FOXP1: variants seen among roughly 807,000 people sequenced by gnomAD.
The protein encoded by FOXP1 is forkhead box P1.
Under a neutral mutation model 98.2 loss-of-function variants are expected in FOXP1, and 15 were observed. The observed-to-expected ratio is 0.15, with a 90% confidence interval of 0.10 to 0.24. The LOEUF is 0.24. FOXP1 is among the 10% of genes least tolerant of loss of function. The pLI is 1.00. For missense variants in FOXP1, 633 were observed against 848.5 expected (o/e 0.75, Z 3.15); for synonymous variants, 371 against 314.5 (o/e 1.18, Z -1.90).
At chr3:71,449,548 G>A (rs1003930659) in intron 3 of FOXP1, among the ~76,000 whole-genome samples, 3 of 152,184 alleles carry the variant, frequency 2.0e-5, no homozygotes, top group African/African-American at 4.8e-5. Flanking sequence ...ACCTTACCAA[G>A]TTCAAAGGCA....
chr3:71,569,993 G>A (rs1248513681), intron 2 of FOXP1, among the ~76,000 whole-genome samples: 5 of 152,052 alleles, frequency 3.3e-5, no homozygotes, highest in African/African-American at 1.2e-4. Context: ...GGATAGGATG[G>A]TCTGGATCTC....
Position 71,193,455 on chromosome 3 carries a change from GT to G in FOXP1, c.180+4746del, listed in dbSNP as rs1217174327. On this transcript the variant is annotated intron_variant, in intron 6 of 20. Transcript: ENST00000649528. ...GAGCCACTGCGCCCAGCCGTTATTT[GT>G]TTTTTTTTTTTAGACATATTCTCAC... 1.3e-3 allele frequency among the ~76,000 whole-genome samples: 104 copies of G among 79,284 alleles called. 7 individuals carry two copies. The highest frequency in any genetic ancestry group is 2.8e-3 in the African/African-American group (41 of 14,806). 52.0% of individuals were successfully genotyped at this position (79,284 alleles called of 152,430 possible).
intron 11 of FOXP1, among the ~76,000 whole-genome samples, chr3:71,038,522 A>T (rs895648379): frequency 6.6e-6 from 1 of 152,224 alleles, no homozygotes; most frequent in Non-Finnish European, 1.5e-5. Context: ...CAGTGAGACC[A>T]TACCTTTATA....
At chr3:71,059,414 C>T (rs1229312313) in intron 7 of FOXP1, among the ~76,000 whole-genome samples, 1 of 152,132 alleles carries the variant, frequency 6.6e-6, no homozygotes, top group African/African-American at 2.4e-5. Context: ...CAAGGTTACT[C>T]CACTAAGTGC....
intron 6 of FOXP1, among the ~76,000 whole-genome samples, chr3:71,166,772 G>A (rs1202279136): frequency 6.6e-6 from 1 of 151,982 alleles, no homozygotes; most frequent in Non-Finnish European, 1.5e-5. Flanking sequence ...TTTTAATGCT[G>A]TCCTTTTCTT....
At chr3:71,190,922 A>T (rs1316665829) in intron 6 of FOXP1, among the ~76,000 whole-genome samples, 3 of 152,236 alleles carry the variant, frequency 2.0e-5, no homozygotes, top group Non-Finnish European at 2.9e-5. Flanking sequence ...GAGTTCAAAG[A>T]CAAAGTGATG....
At chr3:71,356,815 T>C (rs979248769) in intron 4 of FOXP1, among the ~76,000 whole-genome samples, 1 of 152,174 alleles carries the variant, frequency 6.6e-6, no homozygotes, top group Non-Finnish European at 1.5e-5. Context: ...AATGCATCCA[T>C]TACCCTAAGT....
In FOXP1 at chr3:71,582,752, G is replaced by T. The variant is rs922783701; in HGVS notation, c.-447+819C>A. 7.1e-6 allele frequency: 7 copies of T among 985,438 alleles called. No individual in the cohort carries two copies. In the South Asian group the frequency reaches 3.3e-4, roughly 46 times the overall value. The allele number at this position is 985,438 out of a possible 1,614,324, so 61.0% of individuals were successfully genotyped here. The stretch of plus-strand genomic sequence containing the variant: ...CTCGTCTCGGGAAAGCGGAGGCCGA[G>T]CGCGCGTAGGGGTGCGTGTCTGGCT... On this transcript the variant is annotated intron_variant, in intron 1 of 20. Transcript: ENST00000649528.
chr3:71,075,994 A>T (rs2053766169), intron 7 of FOXP1, among the ~76,000 whole-genome samples: 1 of 152,200 alleles, frequency 6.6e-6, no homozygotes, highest in African/African-American at 2.4e-5. Flanking sequence ...TGCTGGGATT[A>T]CAGGAGTGAG....
chr3:71,008,675 A>T (rs1460022809), intron 12 of FOXP1, among the ~76,000 whole-genome samples: 3 of 152,160 alleles, frequency 2.0e-5, no homozygotes, highest in Non-Finnish European at 4.4e-5. Context: ...TGATTCTGAT[A>T]AAGCGTCCCT....
At chr3:71,003,376 T>G (rs2042358799) in intron 12 of FOXP1, among the ~76,000 whole-genome samples, 1 of 152,168 alleles carries the variant, frequency 6.6e-6, no homozygotes, top group African/African-American at 2.4e-5. Context: ...ACTGCTGTTG[T>G]GTATATATAA....
At chr3:71,221,283 T>A (rs576587256) in intron 5 of FOXP1, among the ~76,000 whole-genome samples, 3 of 152,308 alleles carry the variant, frequency 2.0e-5, no homozygotes, top group Admixed American at 6.5e-5. Flanking sequence ...AGAAAAATTG[T>A]CTTCCACGAA....
intron 9 of FOXP1, among the ~76,000 whole-genome samples, chr3:71,051,979 T>A (rs1291021924): frequency 6.6e-6 from 1 of 152,236 alleles, no homozygotes; most frequent in Non-Finnish European, 1.5e-5. Flanking sequence ...GAGTCTTCTC[T>A]AACTTCAACT....
chr3:71,110,955 G>A (rs768592787), intron 7 of FOXP1, among the ~76,000 whole-genome samples: 76 of 152,182 alleles, frequency 5.0e-4, no homozygotes, highest in Non-Finnish European at 8.7e-4. Context: ...AGTGTTTACA[G>A]AAGGGTTAGT....
chr3:70,990,510 G>A (rs975866458), intron 13 of FOXP1, among the ~76,000 whole-genome samples: 2 of 152,030 alleles, frequency 1.3e-5, no homozygotes, highest in Non-Finnish European at 2.9e-5. Context: ...AAAATATGAG[G>A]ATACAAACAT....
chr3:71,157,686 C>A (rs748493684), intron 6 of FOXP1, among the ~76,000 whole-genome samples: 4 of 152,186 alleles, frequency 2.6e-5, no homozygotes, highest in Non-Finnish European at 4.4e-5. Flanking sequence ...TCCTTCACTT[C>A]TTTTCTGGCC....
chr3:70,999,130 C>T (rs2041790628), intron 13 of FOXP1, among the ~76,000 whole-genome samples: 1 of 152,094 alleles, frequency 6.6e-6, no homozygotes, highest in Non-Finnish European at 1.5e-5. Context: ...CACTCTGTCG[C>T]CCAGGCTGGA....
chr3:71,360,871 T>C (rs2078512774), intron 3 of FOXP1: 1 of 152,180 alleles, frequency 6.6e-6, no homozygotes, highest in Non-Finnish European at 1.5e-5. Context: ...TAGTCACCTG[T>C]CTCCGGAAAC....
intron 5 of FOXP1, among the ~76,000 whole-genome samples, chr3:71,255,998 T>C (rs972026719): frequency 1.3e-5 from 2 of 152,238 alleles, no homozygotes; most frequent in African/African-American, 2.4e-5. Flanking sequence ...TTCTCTTTTA[T>C]TATTTGATGA....
Sources: gnomAD v4.1 joint callset for allele counts (sites outside exome capture counted in the v4.1 genomes callset) on GRCh38, gnomAD v4.1.1 for gene constraint, MANE v1.5 for transcripts, NCBI Gene and HGNC (gene_info 2026-07-23, HGNC 2026-07-21) for gene names.